COP1: variants seen among roughly 807,000 people sequenced by gnomAD.
The protein encoded by COP1 is E3 ubiquitin-protein ligase COP1.
A neutral mutation model predicts 101.3 loss-of-function variants in COP1; 24 were observed. That is an observed-to-expected ratio of 0.24 (90% CI 0.17 to 0.33). COP1 has a LOEUF of 0.33. COP1 is among the 10% of genes least tolerant of loss of function. The probability of loss-of-function intolerance (pLI) is 1.00; values close to 1 mark genes in which losing one functional copy is unlikely to be tolerated. For synonymous variants in COP1, 347 were observed against 341.9 expected, an observed-to-expected ratio of 1.01 and a Z score of -0.17; for missense variants, 663 against 906.2, an observed-to-expected ratio of 0.73 and a Z score of 3.45.
intron 11 of COP1, among the ~76,000 whole-genome samples, chr1:176,076,557 T>C (rs1215652187): frequency 6.7e-6 from 1 of 148,172 alleles, no homozygotes; most frequent in Non-Finnish European, 1.5e-5. Context: ...ACATCACATG[T>C]AGAGGAACTA....
At chr1:176,042,608 A>G (rs1178152037) in intron 14 of COP1, among the ~76,000 whole-genome samples, 1 of 149,056 alleles carries the variant, frequency 6.7e-6, no homozygotes, top group African/African-American at 2.5e-5. Flanking sequence ...GTACACACCT[A>G]TAATCCCAGT....
chr1:176,198,795 C>T (rs1022872137), intron 1 of COP1, among the ~76,000 whole-genome samples: 27 of 151,602 alleles, frequency 1.8e-4, no homozygotes, highest in African/African-American at 6.5e-4. Flanking sequence ...AAAAAATGGG[C>T]CAAAGATCAA....
At chr1:176,022,955 T>C (rs916118954) in intron 15 of COP1, among the ~76,000 whole-genome samples, 2 of 152,232 alleles carry the variant, frequency 1.3e-5, no homozygotes, top group African/African-American at 4.8e-5. Context: ...TCCTTGTGCT[T>C]TGAATGTTTC....
Position 175,997,384 on chromosome 1 carries a change from C to G in COP1, c.1730-7905G>C, listed in dbSNP as rs549184731. On this transcript the variant is annotated intron_variant, in intron 15 of 19. Transcript: ENST00000367669. ...CACCAAAAGCAATGGCAACAAAAGC[C>G]AAAATTGACAAATGGGATCTAATTA... is the stretch of plus-strand genomic sequence containing the variant. Among the ~76,000 whole-genome samples the G allele has an allele frequency of 5.9e-5, 9 of 151,812 alleles. No homozygotes were observed. The South Asian group carries it at 1.0e-3, about 18-fold the overall frequency.
chr1:175,968,868 T>G (rs1441385217), intron 18 of COP1, among the ~76,000 whole-genome samples: 1 of 152,228 alleles, frequency 6.6e-6, no homozygotes, highest in Non-Finnish European at 1.5e-5. Context: ...ATATTCTCTC[T>G]AAACACTTTC....
chr1:175,996,785 G>C (rs1660261300), intron 15 of COP1, among the ~76,000 whole-genome samples: 1 of 152,098 alleles, frequency 6.6e-6, no homozygotes, highest in South Asian at 2.1e-4. Context: ...CATGCTCATG[G>C]GTAGGAAGAA....
chr1:176,059,894 G>A (rs1026244220), intron 11 of COP1, among the ~76,000 whole-genome samples: 1 of 151,756 alleles, frequency 6.6e-6, no homozygotes, highest in Admixed American at 6.6e-5. Flanking sequence ...TTCAACCTTT[G>A]CAAATGTAAA....
chr1:175,947,146 G>C, intron 19 of COP1, 49 bp downstream of exon 19: 3 of 1,249,962 alleles, frequency 2.4e-6, no homozygotes, highest in Non-Finnish European at 3.5e-6. Context: ...TCCTGTTTCA[G>C]TCTAAAAATG....
At chr1:176,184,582 G>A in intron 2 of COP1, 51 bp downstream of exon 2, 2 of 1,383,056 alleles carry the variant, frequency 1.4e-6, no homozygotes, top group Non-Finnish European at 2.0e-6. Context: ...TACATTTACA[G>A]ATAAGTTTTA....
intron 14 of COP1, among the ~76,000 whole-genome samples, chr1:176,040,440 C>T (rs1031660817): frequency 2.0e-5 from 3 of 152,026 alleles, no homozygotes; most frequent in Admixed American, 2.0e-4. Context: ...GCCCCAGTTT[C>T]CCAAGCGCTG....
intron 9 of COP1, among the ~76,000 whole-genome samples, chr1:176,111,693 G>GA (rs1223604044): frequency 3.3e-5 from 5 of 151,792 alleles, no homozygotes. Flanking sequence ...TTATTTATAC[G>GA]AAAAAAACTG....
chr1:176,041,444 T>C (rs1189221305), intron 14 of COP1, among the ~76,000 whole-genome samples: 1 of 151,626 alleles, frequency 6.6e-6, no homozygotes, highest in African/African-American at 2.4e-5. Context: ...GCCTCCTAGG[T>C]TCGAACAATT....
intron 18 of COP1, among the ~76,000 whole-genome samples, chr1:175,949,811 A>G (rs1402027870): frequency 6.6e-6 from 1 of 152,196 alleles, no homozygotes; most frequent in Non-Finnish European, 1.5e-5. Flanking sequence ...TTTAATATAG[A>G]GAAGGAATGC....
chr1:176,133,270 A>G (rs1157553731), intron 8 of COP1, among the ~76,000 whole-genome samples: 1 of 144,724 alleles, frequency 6.9e-6, no homozygotes, highest in East Asian at 1.9e-4. Context: ...ATACGTACGT[A>G]TATATATACG....
intron 14 of COP1, among the ~76,000 whole-genome samples, chr1:176,036,083 T>G (rs1250773166): frequency 6.6e-6 from 1 of 151,974 alleles, no homozygotes; most frequent in Non-Finnish European, 1.5e-5. Context: ...ATACTAGTCA[T>G]GAAAATAATA....
Position 176,043,256 on chromosome 1 carries a change from C to T in COP1, c.1542G>A (p.Lys514=), listed in dbSNP as rs1041415266. 1.1e-5 allele frequency: 18 copies of T among 1,609,356 alleles called. No homozygotes were observed. In the African/African-American group the frequency reaches 2.4e-4, roughly 22 times the overall value. ...QRSKVYQEHE[K]RCWSVDFNLM... is the part of the protein sequence containing the mutation. ...AATTAAAGTCAACACTCCAACACCTCTTCTCATGCTCCTGGAAGCAGAAAG... is the reference window on the plus strand; with the variant it reads ...AATTAAAGTCAACACTCCAACACCTTTTCTCATGCTCCTGGAAGCAGAAAG... The change falls in exon 14 of 20, where the codon AAG becomes AAA. Residue 514 remains lysine (K), a synonymous_variant. Transcript: ENST00000367669.
intron 11 of COP1, among the ~76,000 whole-genome samples, chr1:176,055,867 T>C (rs1375616706): frequency 1.3e-5 from 2 of 152,182 alleles, no homozygotes; most frequent in Admixed American, 1.3e-4. Context: ...TACTTTGTTC[T>C]TTCTCTAATT....
At chr1:175,946,245 G>C (rs1649156064) in intron 19 of COP1, among the ~76,000 whole-genome samples, 1 of 152,120 alleles carries the variant, frequency 6.6e-6, no homozygotes. Context: ...TCTCTAAAGA[G>C]GCTTTTCAAA....
intron 1 of COP1, among the ~76,000 whole-genome samples, chr1:176,197,395 G>A (rs1021300632): frequency 1.3e-5 from 2 of 152,126 alleles, no homozygotes; most frequent in Admixed American, 6.5e-5. Context: ...CAGCTTGGGC[G>A]AGACAGCAAG....
Sources: gnomAD v4.1 joint callset for allele counts (sites outside exome capture counted in the v4.1 genomes callset) on GRCh38, gnomAD v4.1.1 for gene constraint, MANE v1.5 for transcripts, NCBI Gene and HGNC (gene_info 2026-07-23, HGNC 2026-07-21) for gene names.